PANK4: variants seen among roughly 807,000 people sequenced by gnomAD.
PANK4 encodes pantothenate kinase 4 (inactive), also known as 4'-phosphopantetheine phosphatase.
PANK4 carries 40 observed loss-of-function variants against 87.9 expected under a neutral mutation model. The ratio of observed to expected loss-of-function variants is 0.46; its 90% CI spans 0.35 to 0.59. The LOEUF (loss-of-function observed/expected upper bound fraction) is 0.59, where lower values mean the gene tolerates loss of function less well. Ranked by LOEUF, PANK4 falls within the 20% of genes least tolerant of loss-of-function variation. The pLI, the probability that PANK4 is intolerant of heterozygous loss-of-function variation, is 0.00. For synonymous variants in PANK4, 524 were observed against 467.4 expected (o/e 1.12, Z -1.56); for missense variants, 926 against 1,072.3 (o/e 0.86, Z 1.90).
intron 9 of PANK4, among the ~76,000 whole-genome samples, chr1:2,516,818 G>A (rs1040819146): frequency 6.6e-6 from 1 of 152,268 alleles, no homozygotes; most frequent in Non-Finnish European, 1.5e-5. Flanking sequence ...TGCCTTGCCA[G>A]GTCGCAGGCT....
At chr1:2,516,090 G>C (rs374584097) in intron 9 of PANK4, among the ~76,000 whole-genome samples, 14 of 151,280 alleles carry the variant, frequency 9.3e-5, no homozygotes, top group Admixed American at 2.6e-4. Context: ...ACCCCTCCCT[G>C]TCACCCCTAC....
At chr1:2,521,863 A>G (rs753729616) in intron 1 of PANK4, 63 bp from the exon 2 acceptor site, 3 of 1,266,214 alleles carry the variant, frequency 2.4e-6, no homozygotes, top group African/African-American at 1.5e-5. Flanking sequence ...CTGGGGGTCC[A>G]TGCCCCACAC....
chr1:2,515,667 C>A lies in PANK4; in HGVS notation c.1269G>T (p.Pro423=), dbSNP rs201279461. Reference sequence around the variant, plus strand: ...CGTAGGAGGGCGGGTCCAGGAGGAGCGGCAGGTCAACCAGTGGCCTCTCCA... The same window carrying A: ...CGTAGGAGGGCGGGTCCAGGAGGAGAGGCAGGTCAACCAGTGGCCTCTCCA... The part of the protein sequence containing the change: ...DRLERPLVDL[P]LLLDPPSYVP... The change falls in exon 10 of 19, where the codon CCG becomes CCT. Residue 423 remains proline, a synonymous_variant. Coordinates refer to ENST00000378466, the MANE Select transcript of PANK4 (RefSeq NM_018216.4). This position sits in a 1 kb window ranked among gnomAD's most constrained non-coding sequence, Gnocchi z 5.0. 1 of 1,612,740 alleles carries A rather than the reference C, an allele frequency of 6.2e-7. No individual in the cohort carries two copies. The highest frequency in any genetic ancestry group is 8.5e-7 in the Non-Finnish European group (1 of 1,179,846).
At chr1:2,514,249 C>A in intron 11 of PANK4, 105 bp downstream of exon 11, 7 of 1,141,878 alleles carry the variant, frequency 6.1e-6, no homozygotes, top group Non-Finnish European at 5.3e-6. Context: ...CACACCCACC[C>A]CCAGCGAGCT....
Position 2,509,748 on chromosome 1 carries a change from G to A in PANK4, c.2108+114C>T. The A allele has an allele frequency of 3.4e-6, 3 of 881,432 alleles. No homozygotes were observed. Among genetic ancestry groups the A allele is most frequent in the Non-Finnish European group, 3.7e-6 (2 of 539,632 alleles). 54.6% of individuals were successfully genotyped at this position (881,432 alleles called of 1,614,324 possible). Reference sequence around the variant, plus strand: ...GATCAATCCGGGCCTGGGGTCAGGAGAGGCCGCAGGGGCAGTCCTGAGGTC... The same window carrying A: ...GATCAATCCGGGCCTGGGGTCAGGAAAGGCCGCAGGGGCAGTCCTGAGGTC... On this transcript the variant is annotated intron_variant, in intron 18 of 18. Transcript: ENST00000378466. The surrounding 1 kb of genome is among the most constrained non-coding windows in gnomAD (Gnocchi z 4.9).
At chr1:2,514,296 G>A (rs1643718009) in intron 11 of PANK4, 58 bp downstream of exon 11, 1 of 1,362,248 alleles carries the variant, frequency 7.3e-7, no homozygotes. Context: ...CTTTCTCAGA[G>A]GTGCAGGGGC....
chr1:2,513,980 G>A (rs1430488641), intron 12 of PANK4, 22 bp downstream of exon 12: 3 of 1,563,752 alleles, frequency 1.9e-6, no homozygotes, highest in African/African-American at 1.4e-5. Context: ...GCGAGCGGAA[G>A]GCCAGGGCAC....
At position 2,510,183 on chromosome 1, in the gene PANK4, T is replaced by A; in HGVS notation, c.1939-26A>T. The A allele has an allele frequency of 1.4e-6, 2 of 1,429,158 alleles. No homozygotes were observed. Among genetic ancestry groups the A allele is most frequent in the Admixed American group, 1.8e-5 (1 of 54,874 alleles). 88.5% of individuals were successfully genotyped at this position (1,429,158 alleles called of 1,614,324 possible). ...CTGCAGGAGGAGGGCCCAGGCTCTT[T>A]AGGAACCTGTGCTGGCCCAGCATGG... On this transcript the variant is annotated intron_variant, in intron 16 of 18. Coordinates refer to ENST00000378466, the MANE Select transcript of PANK4 (RefSeq NM_018216.4). This position sits in a 1 kb window ranked among gnomAD's most constrained non-coding sequence, Gnocchi z 4.9.
At position 2,519,690 on chromosome 1, in the gene PANK4, G is replaced by A. The variant is rs748655928; in HGVS notation, c.853+111C>T. ...TTACAGGGCTGACACCCAAGACCCC[G>A]ACTCTCCAGGGAGCAGTTGTGGGAA... On this transcript the variant is annotated intron_variant, in intron 6 of 18. Transcript: ENST00000378466. This position sits in a 1 kb window ranked among gnomAD's most constrained non-coding sequence, Gnocchi z 8.3. 123 of 1,162,350 alleles carry A rather than the reference G, an allele frequency of 1.1e-4. No individual in the cohort carries two copies. The highest frequency in any genetic ancestry group is 2.4e-4 in the East Asian group (9 of 37,964). The allele number at this position is 1,162,350 out of a possible 1,614,324, so 72.0% of individuals were successfully genotyped here. A position where few individuals can be genotyped will look rare whatever the true frequency, so the allele number is the denominator to read the frequency against.
At chr1:2,516,001 C>T (rs1044767783) in intron 9 of PANK4, 12 of 521,500 alleles carry the variant, frequency 2.3e-5, no homozygotes, top group Non-Finnish European at 3.8e-5. Flanking sequence ...CCCCAATCAC[C>T]GCTGCAGTCA....
At chr1:2,525,264 G>A (rs1643910605) in intron 1 of PANK4, among the ~76,000 whole-genome samples, 1 of 152,188 alleles carries the variant, frequency 6.6e-6, no homozygotes, top group African/African-American at 2.4e-5. Context: ...CTTTTCCAGG[G>A]AGGTGGGAAG....
At chr1:2,518,474 TGAG>T (rs1349948596) in intron 8 of PANK4, 39 bp downstream of exon 8, 2 of 1,508,282 alleles carry the variant, frequency 1.3e-6, no homozygotes, top group Non-Finnish European at 1.8e-6. Context: ...AGGCCACAGC[TGAG>T]GCCCCACGCT....
Position 2,514,165 on chromosome 1 carries a change from A to T in PANK4, c.1488-76T>A, listed in dbSNP as rs1643715655. 3.1e-5 allele frequency: 42 copies of T among 1,337,294 alleles called. No homozygotes were observed. In the South Asian group the frequency reaches 4.9e-4, roughly 16 times the overall value. The allele number at this position is 1,337,294 out of a possible 1,614,324, so 82.8% of individuals were successfully genotyped here. On this transcript the variant is annotated intron_variant, in intron 11 of 18. Coordinates refer to ENST00000378466, the MANE Select transcript of PANK4 (RefSeq NM_018216.4). ...CCCGTCTGCCATCCTCGGCTGTGCC[A>T]CGGACGTCCTCAGGAGCCCGGCAGT...
chr1:2,520,071 T>G lies in PANK4; in HGVS notation c.700-117A>C. On this transcript the variant is annotated intron_variant, in intron 5 of 18. Coordinates refer to ENST00000378466, the MANE Select transcript of PANK4 (RefSeq NM_018216.4). This position sits in a 1 kb window ranked among gnomAD's most constrained non-coding sequence, Gnocchi z 6.2. ...CGGGCAGGGGGTAAATGGGCCCTCA[T>G]CGCGTGGGACCAAAGGCAGGAGGCG... 1 of 1,015,624 alleles carries G rather than the reference T, an allele frequency of 9.8e-7. No homozygotes were observed. The highest frequency in any genetic ancestry group is 2.7e-5 in the Admixed American group (1 of 37,640). The allele number at this position is 1,015,624 out of a possible 1,614,324, so 62.9% of individuals were successfully genotyped here.
intron 9 of PANK4, among the ~76,000 whole-genome samples, chr1:2,516,605 C>G (rs1004145875): frequency 1.3e-5 from 2 of 152,206 alleles, no homozygotes; most frequent in African/African-American, 4.8e-5. Flanking sequence ...ACTGGGGCAC[C>G]CCTGCTGGCA....
rs145319851 is a variant in PANK4 at position 2,519,880 on chromosome 1, G to A, written c.774C>T (p.Tyr258=). The change falls in exon 6 of 19, where the codon TAC becomes TAT. Residue 258 remains tyrosine, a synonymous_variant. Transcript: ENST00000378466. This position sits in a 1 kb window ranked among gnomAD's most constrained non-coding sequence, Gnocchi z 8.3. The part of the protein sequence containing the change: ...SNVDMLVRDV[Y]GGAHQTLGLS... ...GCCCGAGAGTCTGGTGGGCGCCGCC[G>A]TAGACGTCCCGCACCAGCATGTCCA... The A allele has an allele frequency of 1.1e-5, 17 of 1,567,822 alleles. No homozygotes were observed. The African/African-American group carries it at 1.2e-4, about 11-fold the overall frequency.
chr1:2,512,789 T>G, intron 13 of PANK4, 99 bp downstream of exon 13: 1 of 1,244,562 alleles, frequency 8.0e-7, no homozygotes, highest in Non-Finnish European at 1.2e-6. Context: ...AAGCGCCACG[T>G]GACCCCCAAG....
In PANK4 at chr1:2,526,447, G is replaced by T; in HGVS notation, c.124+17C>A. On this transcript the variant is annotated intron_variant, in intron 1 of 18. Transcript: ENST00000378466. ...CCCGCCCCCGCAGCCCGCGCCCGGC[G>T]CCCGGCCTGCGGCTACCTATGTCGA... 2 of 1,386,588 alleles carry T rather than the reference G, an allele frequency of 1.4e-6. No individual in the cohort carries two copies. Among genetic ancestry groups the T allele is most frequent in the Non-Finnish European group, 1.9e-6 (2 of 1,051,800 alleles). The allele number at this position is 1,386,588 out of a possible 1,614,324, so 85.9% of individuals were successfully genotyped here. A position where few individuals can be genotyped will look rare whatever the true frequency, so the allele number is the denominator to read the frequency against.
rs1362366398 is a variant in PANK4 at position 2,509,256 on chromosome 1, G to A, written c.2109-196C>T. Among the ~76,000 whole-genome samples, 9 of 152,318 alleles carry A rather than the reference G, an allele frequency of 5.9e-5. No homozygotes were observed. The highest frequency in any genetic ancestry group is 1.2e-4 in the Non-Finnish European group (8 of 68,026). ...GAGCAGCAGCTCACACAGGGCCAGA[G>A]CAGCTGCAGCTTGGAAACTCTGCCC... On this transcript the variant is annotated intron_variant, in intron 18 of 18. Coordinates refer to ENST00000378466, the MANE Select transcript of PANK4 (RefSeq NM_018216.4). The surrounding 1 kb of genome is among the most constrained non-coding windows in gnomAD (Gnocchi z 4.9).
Sources: allele counts gnomAD v4.1 joint callset (sites outside exome capture counted in the v4.1 genomes callset), GRCh38; gene constraint gnomAD v4.1.1; non-coding constraint Gnocchi (gnomAD v3.1); transcripts MANE v1.5; gene names NCBI Gene and HGNC (gene_info 2026-07-23, HGNC 2026-07-21).